GSTO2: variants seen among roughly 807,000 people sequenced by gnomAD.
The protein encoded by GSTO2 is glutathione S-transferase omega-2.
In GSTO2, 23 loss-of-function variants were observed where a neutral mutation model predicts 28.4. The observed-to-expected ratio is 0.81, with a 90% CI of 0.58 to 1.15. GSTO2 has a LOEUF of 1.15. GSTO2 is among the 50% of genes most tolerant of loss of function. The pLI is 0.00. For synonymous variants in GSTO2, 109 were observed against 111.0 expected, an observed-to-expected ratio of 0.98 and a Z score of 0.11; for missense variants, 298 against 297.8, an observed-to-expected ratio of 1.00 and a Z score of 0.00.
chr10:104,278,448 G>C (rs12245345), intron 4 of GSTO2, among the ~76,000 whole-genome samples: 11,263 of 152,266 alleles, frequency 0.074, 1,393 homozygotes, highest in African/African-American at 0.26. Flanking sequence ...AAAAAGTAAT[G>C]GAGTGCGAAG....
rs138747069 is a variant in GSTO2 at position 104,288,221 on chromosome 10, A to G, written c.468+8750A>G. On this transcript the variant is annotated intron_variant, in intron 5 of 6. Coordinates refer to ENST00000338595, the MANE Select transcript of GSTO2 (RefSeq NM_183239.2). ...ACTTTTAATGTCTGCATACTTTGCC[A>G]TGTTTATAAACCATAAAGTTATTTA... Among the ~76,000 whole-genome samples, 316 of 152,304 alleles carry G rather than the reference A, an allele frequency of 2.1e-3. 1 individual carries two copies. The highest frequency in any genetic ancestry group is 6.2e-3 in the African/African-American group (258 of 41,582).
rs555585366 is a variant in GSTO2, at chr10:104,293,334, C to A, written c.469-4244C>A. On this transcript the variant is annotated intron_variant, in intron 5 of 6. Transcript: ENST00000338595. ...AAGGTCAAGAAACAGGAAGGAAAACCGTATCAAGATATCAAGTCATGGTAT... is the reference window on the plus strand; with the variant it reads ...AAGGTCAAGAAACAGGAAGGAAAACAGTATCAAGATATCAAGTCATGGTAT... Among the ~76,000 whole-genome samples, 5 of 152,176 alleles carry A rather than the reference C, an allele frequency of 3.3e-5. No individual in the cohort carries two copies. The South Asian group carries it at 1.0e-3, about 32-fold the overall frequency.
Position 104,301,564 on chromosome 10 carries a change from G to T in GSTO2, c.*2280G>T, listed in dbSNP as rs2013258439. ...AGAAGGATGTGGCCTGGAGAAAAGA[G>T]GGAAGGAGGTAATTAAATAATGCTC... is the stretch of plus-strand genomic sequence containing the variant. On this transcript the variant is annotated 3_prime_UTR_variant, in exon 7 of 7. Coordinates refer to ENST00000338595, the MANE Select transcript of GSTO2 (RefSeq NM_183239.2). 1 of 152,086 alleles carries T rather than the reference G, an allele frequency of 6.6e-6. No individual in the cohort carries two copies. Among genetic ancestry groups the T allele is most frequent in the Non-Finnish European group, 1.5e-5 (1 of 68,004 alleles). The allele number at this position is 152,086 out of a possible 1,614,324, so 9.4% of individuals were successfully genotyped here.
At chr10:104,276,476 C>G (rs1172112520) in intron 3 of GSTO2, among the ~76,000 whole-genome samples, 2 of 152,234 alleles carry the variant, frequency 1.3e-5, no homozygotes, top group Admixed American at 6.5e-5. Flanking sequence ...CTGTCCATCA[C>G]TGGATGTTTA....
intron 5 of GSTO2, among the ~76,000 whole-genome samples, chr10:104,288,185 C>T (rs760366002): frequency 1.7e-4 from 26 of 152,066 alleles, no homozygotes; most frequent in Admixed American, 3.9e-4. Flanking sequence ...CCACCTCACC[C>T]GGCCGAAAAC....
At chr10:104,299,065 C>T (rs965488949) in intron 6 of GSTO2, 63 bp from the exon 7 acceptor site, 32 of 1,422,214 alleles carry the variant, frequency 2.3e-5, no homozygotes, top group Non-Finnish European at 2.2e-5. Context: ...TAAAAAGCAA[C>T]GTGCATCCCC....
chr10:104,274,936 G>T lies in GSTO2; in HGVS notation c.21G>T (p.Arg7Ser). The T allele has an allele frequency of 6.2e-7, 1 of 1,604,114 alleles. No homozygotes were observed. Among genetic ancestry groups the T allele is most frequent in the Non-Finnish European group, 8.5e-7 (1 of 1,177,032 alleles). Residue 7 changes from arginine to serine, a missense_variant, in exon 2 of 7, where the codon AGG (arginine) becomes AGT (serine). Transcript: ENST00000338595. ...AGACCATGTCTGGGGATGCGACCAG[G>T]ACCCTGGGGAAAGGTGAGTGCTCTC... MSGDAT[R>S]TLGKGSQPPG...
At chr10:104,292,169 G>A (rs914357933) in intron 5 of GSTO2, among the ~76,000 whole-genome samples, 2 of 151,986 alleles carry the variant, frequency 1.3e-5, no homozygotes, top group Non-Finnish European at 2.9e-5. Context: ...CCATTGTGAG[G>A]GAAGCTATTC....
chr10:104,280,568 T>C (rs769294222), intron 5 of GSTO2, among the ~76,000 whole-genome samples: 8 of 152,146 alleles, frequency 5.3e-5, no homozygotes, highest in Non-Finnish European at 1.2e-4. Flanking sequence ...AGGTCTGTAA[T>C]TAAGGAAGAA....
chr10:104,290,504 CAA>C (rs111825863), intron 5 of GSTO2, among the ~76,000 whole-genome samples: 4 of 111,718 alleles, frequency 3.6e-5, no homozygotes, highest in Admixed American at 9.5e-5. Flanking sequence ...CACTCTGTCT[CAA>C]AAAAAAAAAA....
At position 104,300,104 on chromosome 10, in the gene GSTO2, A is replaced by G. The variant is rs895643072; in HGVS notation, c.*820A>G. 2.0e-5 allele frequency: 3 copies of G among 152,280 alleles called. No homozygotes were observed. The highest frequency in any genetic ancestry group is 7.2e-5 in the African/African-American group (3 of 41,470). The allele number at this position is 152,280 out of a possible 1,614,324, so 9.4% of individuals were successfully genotyped here. A position where few individuals can be genotyped will look rare whatever the true frequency, so the allele number is the denominator to read the frequency against. ...GAGTGTAATTCTCCAAACTTTGGCC[A>G]TGGGCCTGGAGACACCGAGGGTCTT... is the stretch of plus-strand genomic sequence containing the variant. On this transcript the variant is annotated 3_prime_UTR_variant, in exon 7 of 7. Coordinates refer to ENST00000338595, the MANE Select transcript of GSTO2 (RefSeq NM_183239.2).
chr10:104,289,384 C>A (rs1174788895), intron 5 of GSTO2, among the ~76,000 whole-genome samples: 1 of 152,216 alleles, frequency 6.6e-6, no homozygotes, highest in Non-Finnish European at 1.5e-5. Context: ...GTGTGAGCCA[C>A]CACACCCAGC....
At chr10:104,294,865 A>T (rs1362212354) in intron 5 of GSTO2, 1 of 152,214 alleles carries the variant, frequency 6.6e-6, no homozygotes, top group African/African-American at 2.4e-5. Flanking sequence ...AGCTTTAGAG[A>T]TATACACTAA....
chr10:104,271,889 G>A (rs1324450339), intron 1 of GSTO2, among the ~76,000 whole-genome samples: 3 of 152,210 alleles, frequency 2.0e-5, no homozygotes, highest in Non-Finnish European at 2.9e-5. Flanking sequence ...ACCATGGATG[G>A]GCAAATTAAG....
In GSTO2 at chr10:104,285,038, C is replaced by T. The variant is rs531154497; in HGVS notation, c.468+5567C>T. 4.6e-5 allele frequency among the ~76,000 whole-genome samples: 7 copies of T among 152,234 alleles called. No homozygotes were observed. In the East Asian group the frequency reaches 1.4e-3, roughly 29 times the overall value. On this transcript the variant is annotated intron_variant, in intron 5 of 6. Coordinates refer to ENST00000338595, the MANE Select transcript of GSTO2 (RefSeq NM_183239.2). ...CCTTCGTCTGCCCGTGGCCACAGGGCACTTTATGGTTTTGCTTCTTGTCAT... is the reference window on the plus strand; with the variant it reads ...CCTTCGTCTGCCCGTGGCCACAGGGTACTTTATGGTTTTGCTTCTTGTCAT...
At chr10:104,283,853 A>G (rs1286043770) in intron 5 of GSTO2, among the ~76,000 whole-genome samples, 1 of 152,168 alleles carries the variant, frequency 6.6e-6, no homozygotes, top group East Asian at 1.9e-4. Context: ...TTGTGAGCTA[A>G]AAATATATTA....
At chr10:104,282,258 A>G (rs2012111775) in intron 5 of GSTO2, among the ~76,000 whole-genome samples, 1 of 151,316 alleles carries the variant, frequency 6.6e-6, no homozygotes, top group Non-Finnish European at 1.5e-5. Context: ...AGAAAAGAAA[A>G]AGTATTCAGC....
intron 3 of GSTO2, among the ~76,000 whole-genome samples, chr10:104,277,314 G>T (rs1243310608): frequency 6.6e-6 from 1 of 150,916 alleles, no homozygotes; most frequent in Non-Finnish European, 1.5e-5. Context: ...TTTTTAGATG[G>T]AGTTTCTTGC....
At chr10:104,273,877 TAGTC>T (rs1486406969) in intron 1 of GSTO2, among the ~76,000 whole-genome samples, 1 of 152,234 alleles carries the variant, frequency 6.6e-6, no homozygotes, top group African/African-American at 2.4e-5. Context: ...GGAAATAATT[TAGTC>T]AGTATGAGTG....
Sources: allele counts gnomAD v4.1 joint callset (sites outside exome capture counted in the v4.1 genomes callset), GRCh38; gene constraint gnomAD v4.1.1; transcripts MANE v1.5; gene names NCBI Gene and HGNC (gene_info 2026-07-23, HGNC 2026-07-21).